EIF3K: variants seen among roughly 807,000 people sequenced by gnomAD.
EIF3K encodes eIF-3 p28.
A neutral mutation model predicts 34.2 loss-of-function variants in EIF3K; 27 were observed. That is an observed-to-expected ratio of 0.79 (90% confidence interval 0.58 to 1.09). The LOEUF is 1.09. Ranked by LOEUF, EIF3K falls within the 50% of genes least tolerant of loss-of-function variation. The pLI is 0.00. For synonymous variants in EIF3K, 105 were observed against 105.7 expected (o/e 0.99, Z 0.04); for missense variants, 232 against 275.4 (o/e 0.84, Z 1.11).
At chr19:38,635,215 G>C in intron 7 of EIF3K, 97 bp downstream of exon 7, 2 of 1,554,620 alleles carry the variant, frequency 1.3e-6, no homozygotes, top group Non-Finnish European at 1.8e-6. Flanking sequence ...AGATCTGCTC[G>C]TGTTCTGGGC....
chr19:38,636,740 AAT>A (rs1245437268), intron 7 of EIF3K, 147 bp from the exon 8 acceptor site: 1 of 879,856 alleles, frequency 1.1e-6, no homozygotes, highest in Non-Finnish European at 1.9e-6. Flanking sequence ...ATCTTTTTAA[AAT>A]ACTGCACCAA....
chr19:38,620,314 C>T, intron 1 of EIF3K, 23 bp from the exon 2 acceptor site: 1 of 1,606,920 alleles, frequency 6.2e-7, no homozygotes, highest in South Asian at 1.1e-5. Flanking sequence ...CCTCTGTGCT[C>T]ACCTATCTTG....
chr19:38,634,432 C>G (rs1277678518), intron 6 of EIF3K, among the ~76,000 whole-genome samples: 2 of 151,546 alleles, frequency 1.3e-5, no homozygotes, highest in African/African-American at 2.4e-5. Context: ...AACCCCATCT[C>G]TACTAAAAAT....
intron 2 of EIF3K, 132 bp from the exon 3 acceptor site, chr19:38,623,945 G>T: frequency 7.2e-7 from 1 of 1,389,264 alleles, no homozygotes; most frequent in East Asian, 2.3e-5. Context: ...CAGCTGGGAA[G>T]CACTGGGACT....
At position 38,632,626 on chromosome 19, in the gene EIF3K, T is replaced by C. The variant is rs1489148210; in HGVS notation, c.447T>C (p.Thr149=). Residue 149 remains threonine, a synonymous_variant, in exon 6 of 8, where the codon ACT becomes ACC. Transcript: ENST00000248342. ...RKFICHVVGI[T]YQHIDRWLLA... ...TTATCTGCCATGTTGTGGGTATCACTTACCAGCACATTGACCGCTGGCTGC... is the reference window on the plus strand; with the variant it reads ...TTATCTGCCATGTTGTGGGTATCACCTACCAGCACATTGACCGCTGGCTGC... 6.2e-7 allele frequency: 1 copy of C among 1,613,852 alleles called. No individual in the cohort carries two copies. Among genetic ancestry groups the C allele is most frequent in the Non-Finnish European group, 8.5e-7 (1 of 1,179,934 alleles).
At chr19:38,632,277 G>C in intron 4 of EIF3K, 153 bp from the exon 5 acceptor site, 1 of 679,892 alleles carries the variant, frequency 1.5e-6, no homozygotes, top group Non-Finnish European at 2.5e-6. Context: ...CAAAATCTTA[G>C]CACTTTGGGG....
In EIF3K at chr19:38,636,906, G is replaced by A. The variant is rs1237761505; in HGVS notation, c.643G>A (p.Ala215Thr). Residue 215 changes from alanine (A) to threonine (T), a missense_variant, in exon 8 of 8, where the codon GCC (alanine) becomes ACC (threonine). By Grantham distance (58) the Ala-to-Thr change is moderately conservative. Transcript: ENST00000248342. The part of the protein sequence containing the change: ...IDFDSVSSIM[A>T]SSQ ...CCCCACAGGTGTGTCCAGCATCATG[G>A]CCTCCTCCCAGTAACTTCAGGTGTT... 34 of 1,614,098 alleles carry A rather than the reference G, an allele frequency of 2.1e-5. No individual in the cohort carries two copies. Among genetic ancestry groups the A allele is most frequent in the East Asian group, 4.5e-5 (2 of 44,876 alleles).
At chr19:38,626,266 C>T (rs1233331620) in intron 4 of EIF3K, 164 bp downstream of exon 4, 2 of 688,660 alleles carry the variant, frequency 2.9e-6, no homozygotes, top group South Asian at 1.7e-5. Context: ...GGAGCAGGTA[C>T]TCACAGGTCA....
In EIF3K at chr19:38,635,115, G is replaced by A. The variant is rs1354219098; in HGVS notation, c.622G>A (p.Asp208Asn). The A allele has an allele frequency of 1.2e-6, 2 of 1,614,070 alleles. No homozygotes were observed. Among genetic ancestry groups the A allele is most frequent in the East Asian group, 4.5e-5 (2 of 44,906 alleles). Residue 208 changes from aspartate (D) to asparagine (N), a missense_variant, in exon 7 of 8, where the codon GAC becomes AAC. Asp to Asn is a conservative substitution (Grantham distance 23). Coordinates refer to ENST00000248342, the MANE Select transcript of EIF3K (RefSeq NM_013234.4). ...GAACATTGTGGAGAAGATTGACTTT[G>A]ACAGTGAGTGGTGACCCACGGCCTC... is the stretch of plus-strand genomic sequence containing the variant. Reference protein sequence around the residue: ...PKNIVEKIDFDSVSSIMASSQ With the variant: ...PKNIVEKIDFNSVSSIMASSQ
intron 2 of EIF3K, among the ~76,000 whole-genome samples, chr19:38,622,026 C>T (rs1975852606): frequency 6.6e-6 from 1 of 151,256 alleles, no homozygotes; most frequent in Admixed American, 6.6e-5. Context: ...CCGCCTCAGC[C>T]TCCTGAATAG....
At chr19:38,634,475 A>G (rs950276542) in intron 6 of EIF3K, among the ~76,000 whole-genome samples, 5 of 151,444 alleles carry the variant, frequency 3.3e-5, no homozygotes, top group Admixed American at 1.3e-4. Context: ...GCGCATGCCT[A>G]TAATCCCAGC....
chr19:38,625,172 A>AT (rs1054030868), intron 3 of EIF3K, among the ~76,000 whole-genome samples: 129 of 148,246 alleles, frequency 8.7e-4, no homozygotes, highest in African/African-American at 2.4e-3. Flanking sequence ...TATTTATTTT[A>AT]TTTTTTTTTT....
At chr19:38,630,215 A>G (rs1032070091) in intron 4 of EIF3K, among the ~76,000 whole-genome samples, 11 of 150,402 alleles carry the variant, frequency 7.3e-5, no homozygotes, top group Non-Finnish European at 1.0e-4. Flanking sequence ...GTGCAGTGAT[A>G]TGATCTTGGC....
intron 4 of EIF3K, among the ~76,000 whole-genome samples, chr19:38,629,976 G>GC (rs1394424674): frequency 2.6e-5 from 4 of 152,154 alleles, no homozygotes; most frequent in African/African-American, 9.7e-5. Flanking sequence ...ATATGTGTCT[G>GC]CCCCCTTTCT....
intron 3 of EIF3K, among the ~76,000 whole-genome samples, chr19:38,625,009 G>A (rs975031968): frequency 5.3e-5 from 8 of 152,046 alleles, no homozygotes; most frequent in Non-Finnish European, 1.0e-4. Flanking sequence ...AAAACATAAC[G>A]AGTTAGGTGG....
In EIF3K at chr19:38,632,637, T is replaced by C. The variant is rs768178719; in HGVS notation, c.458T>C (p.Ile153Thr). ...GTTGTGGGTATCACTTACCAGCACA[T>C]TGACCGCTGGCTGCTGGCCGAGATG... The part of the protein sequence containing the change: ...CHVVGITYQH[I>T]DRWLLAEMLG... Residue 153 changes from isoleucine to threonine, a missense_variant, in exon 6 of 8, where the codon ATT becomes ACT. Ile to Thr is a moderately conservative substitution (Grantham distance 89, BLOSUM62 -1). Coordinates refer to ENST00000248342, the MANE Select transcript of EIF3K (RefSeq NM_013234.4). 5.6e-6 allele frequency: 9 copies of C among 1,613,836 alleles called. No homozygotes were observed. Among genetic ancestry groups the C allele is most frequent in the South Asian group, 4.4e-5 (4 of 91,056 alleles).
rs562092083 is a variant in EIF3K at position 38,634,565 on chromosome 19, T to C, written c.500-428T>C. 3.3e-5 allele frequency among the ~76,000 whole-genome samples: 5 copies of C among 151,382 alleles called. No homozygotes were observed. The South Asian group carries it at 1.0e-3, about 32-fold the overall frequency. ...GTGAGCCGAGATTGCGCCATTGCAC[T>C]CCAGCCTGAGCAACAAGAGCAAAAA... is the stretch of plus-strand genomic sequence containing the variant. On this transcript the variant is annotated intron_variant, in intron 6 of 7. Transcript: ENST00000248342.
intron 4 of EIF3K, 34 bp from the exon 5 acceptor site, chr19:38,632,396 G>T (rs956856407): frequency 1.9e-6 from 3 of 1,593,568 alleles, no homozygotes; most frequent in African/African-American, 2.7e-5. Flanking sequence ...TAATTTAAAA[G>T]AATAAACATT....
At chr19:38,630,730 GC>G (rs1457058661) in intron 4 of EIF3K, 1 of 152,004 alleles carries the variant, frequency 6.6e-6, no homozygotes, top group Non-Finnish European at 1.5e-5. Flanking sequence ...AGTCTGGAAT[GC>G]AATGGTGTGA....
Sources: gnomAD v4.1 joint callset for allele counts (sites outside exome capture counted in the v4.1 genomes callset) on GRCh38, gnomAD v4.1.1 for gene constraint, MANE v1.5 for transcripts, NCBI Gene and HGNC (gene_info 2026-07-23, HGNC 2026-07-21) for gene names.